DPH6: variants seen among roughly 807,000 people sequenced by gnomAD.
DPH6 encodes diphthine--ammonia ligase.
A neutral mutation model predicts 38.2 loss-of-function variants in DPH6; 33 were observed. The ratio of observed to expected loss-of-function variants is 0.86; its 90% CI spans 0.65 to 1.15. The LOEUF is 1.15. Among genes scored for constraint, DPH6 ranks in the 50% most tolerant of loss-of-function variants. The pLI is 0.00. For synonymous variants in DPH6, 108 were observed against 103.0 expected (o/e 1.05, Z -0.30); for missense variants, 325 against 320.0 (o/e 1.02, Z -0.12).
the DPH6 span, among the ~76,000 whole-genome samples, chr15:35,159,170 T>G: frequency 6.6e-6 from 1 of 152,194 alleles, no homozygotes; most frequent in East Asian, 1.9e-4. Context: ...AATACAAGAC[T>G]GAGAAATCAG....
At chr15:35,153,923 A>G in the DPH6 span, among the ~76,000 whole-genome samples, 2 of 152,166 alleles carry the variant, frequency 1.3e-5, no homozygotes, top group African/African-American at 4.8e-5. Flanking sequence ...AAGAAAACCA[A>G]GGAAATTAGT....
chr15:35,381,876 C>T lies in DPH6; in HGVS notation c.608G>A (p.Gly203Glu). Residue 203 changes from glycine (G) to glutamate (E), a missense_variant, in exon 7 of 9, where the codon GGA (glycine) becomes GAA (glutamate). Gly to Glu is a moderately conservative substitution (Grantham distance 98, BLOSUM62 -2). Transcript: ENST00000256538. ...ATCCAAAGTGAAAGTTTCATACTCT[C>T]CACCTTCTCCACAAACATGTACTCC... The part of the protein sequence containing the change: ...KYGVHVCGEG[G>E]EYETFTLDCP... 1 of 1,613,762 alleles carries T rather than the reference C, an allele frequency of 6.2e-7. No homozygotes were observed. The highest frequency in any genetic ancestry group is 1.1e-5 in the South Asian group (1 of 91,072).
At chr15:35,184,147 T>A in the DPH6 span, among the ~76,000 whole-genome samples, 2 of 152,258 alleles carry the variant, frequency 1.3e-5, no homozygotes, top group African/African-American at 4.8e-5. Flanking sequence ...TATCTGCTTA[T>A]TCTTAAAACT....
At chr15:35,237,508 G>A (rs932013960) in intron 3 of DPH6, 275 of 1,563,304 alleles carry the variant, frequency 1.8e-4, no homozygotes, top group Non-Finnish European at 2.3e-4. Flanking sequence ...CAAACTTACC[G>A]AAGTTAAACA....
chr15:35,420,500 G>A (rs2053491300), intron 5 of DPH6, among the ~76,000 whole-genome samples: 1 of 152,004 alleles, frequency 6.6e-6, no homozygotes, highest in African/African-American at 2.4e-5. Flanking sequence ...CAATAAAACA[G>A]AGTTTTATTT....
intron 3 of DPH6, among the ~76,000 whole-genome samples, chr15:35,488,755 TAA>T (rs2054437725): frequency 6.6e-6 from 1 of 151,968 alleles, no homozygotes; most frequent in African/African-American, 2.4e-5. Flanking sequence ...TATGAGGCTA[TAA>T]AAGAGACGAA....
At chr15:35,404,520 C>G (rs2053264472) in intron 6 of DPH6, among the ~76,000 whole-genome samples, 1 of 152,124 alleles carries the variant, frequency 6.6e-6, no homozygotes. Context: ...ACTTGTGTGT[C>G]TTCTTTTGAG....
the DPH6 span, among the ~76,000 whole-genome samples, chr15:35,185,969 C>T: frequency 1.3e-5 from 2 of 151,966 alleles, no homozygotes; most frequent in African/African-American, 2.4e-5. Context: ...CTCCTGACCT[C>T]GTGATCCGCT....
chr15:35,474,856 G>A (rs941801052), intron 3 of DPH6, among the ~76,000 whole-genome samples: 2 of 151,740 alleles, frequency 1.3e-5, no homozygotes, highest in Admixed American at 6.6e-5. Flanking sequence ...TTAGAATACC[G>A]TACCTCGTGC....
chr15:35,390,451 C>A (rs905059886), intron 6 of DPH6, among the ~76,000 whole-genome samples: 1 of 152,184 alleles, frequency 6.6e-6, no homozygotes, highest in Admixed American at 6.5e-5. Flanking sequence ...CAATTTGGTT[C>A]CATTCTCCCC....
chr15:35,532,498 G>T (rs886468708), intron 3 of DPH6, among the ~76,000 whole-genome samples: 1 of 152,078 alleles, frequency 6.6e-6, no homozygotes, highest in Non-Finnish European at 1.5e-5. Flanking sequence ...AGTGGAGAAA[G>T]GGACTGAGAA....
chr15:35,520,443 CTTAA>C (rs914491310), intron 3 of DPH6: 7 of 983,526 alleles, frequency 7.1e-6, no homozygotes, highest in Non-Finnish European at 7.2e-6. Flanking sequence ...ATGGACAGCA[CTTAA>C]TTAAGTTCCA....
At chr15:35,275,469 C>T (rs913443324) in intron 3 of DPH6, among the ~76,000 whole-genome samples, 2 of 152,100 alleles carry the variant, frequency 1.3e-5, no homozygotes, top group Non-Finnish European at 1.5e-5. Flanking sequence ...CCATACACCA[C>T]GTTTTTTCAC....
At chr15:35,482,191 C>A (rs1051589383) in intron 3 of DPH6, among the ~76,000 whole-genome samples, 9 of 152,164 alleles carry the variant, frequency 5.9e-5, no homozygotes, top group Admixed American at 5.2e-4. Flanking sequence ...GGCAAACGAA[C>A]TGAAAAAACC....
chr15:35,152,619 C>A, the DPH6 span, among the ~76,000 whole-genome samples: 30 of 152,320 alleles, frequency 2.0e-4, 1 homozygote, highest in African/African-American at 6.5e-4. Context: ...CCTGCCTCAG[C>A]CTCCCAAGTA....
intron 3 of DPH6, among the ~76,000 whole-genome samples, chr15:35,474,624 C>G (rs1021558037): frequency 2.6e-5 from 4 of 151,950 alleles, no homozygotes; most frequent in African/African-American, 9.7e-5. Context: ...AATTGCTGAC[C>G]AACAGCATGT....
intron 6 of DPH6, among the ~76,000 whole-genome samples, chr15:35,406,117 A>G (rs2053289675): frequency 6.6e-6 from 1 of 152,090 alleles, no homozygotes; most frequent in Admixed American, 6.6e-5. Context: ...ATGGCAGCTC[A>G]AAGAAAGCTT....
Position 35,237,266 on chromosome 15 carries a change from C to T in DPH6, n.201-16684G>A, listed in dbSNP as rs55852819. 8.9e-6 allele frequency: 13 copies of T among 1,459,460 alleles called. No individual in the cohort carries two copies. In the African/African-American group the frequency reaches 1.1e-4, roughly 13 times the overall value. The allele number at this position is 1,459,460 out of a possible 1,614,324, so 90.4% of individuals were successfully genotyped here. On this transcript the variant is annotated intron_variant and non_coding_transcript_variant, in intron 3 of 3. Transcript: ENST00000560386. ...GTTGAGCCTTGAAAGTGCTAAAACG[C>T]GCGGCCGTGTTATTGATTGAATTCC...
At chr15:35,311,902 T>C (rs991632115) in intron 3 of DPH6, among the ~76,000 whole-genome samples, 1 of 151,100 alleles carries the variant, frequency 6.6e-6, no homozygotes, top group African/African-American at 2.4e-5. Flanking sequence ...TAGCCAACAG[T>C]AGATGATGTC....
Sources: allele counts gnomAD v4.1 joint callset (sites outside exome capture counted in the v4.1 genomes callset), GRCh38; gene constraint gnomAD v4.1.1; transcripts MANE v1.5; gene names NCBI Gene and HGNC (gene_info 2026-07-23, HGNC 2026-07-21).